Variants in FMNL2 observed in about 807,000 individuals in gnomAD.
The protein encoded by FMNL2 is formin-like protein 2.
In FMNL2, 51 loss-of-function variants were observed where a neutral mutation model predicts 130.2. The observed-to-expected ratio is 0.39, with a 90% CI of 0.31 to 0.49. The LOEUF is 0.49. FMNL2 is among the 20% of genes least tolerant of loss of function. FMNL2 has a pLI of 0.85. For missense variants in FMNL2, 977 were observed against 1,316.2 expected, an observed-to-expected ratio of 0.74 and a Z score of 3.99; for synonymous variants, 465 against 467.1, an observed-to-expected ratio of 1.00 and a Z score of 0.06.
At chr2:152,587,288 G>A (rs558993890) in intron 9 of FMNL2, among the ~76,000 whole-genome samples, 4 of 152,270 alleles carry the variant, frequency 2.6e-5, no homozygotes, top group Admixed American at 2.6e-4. Flanking sequence ...GGATGCAAGG[G>A]GAAGGCAATG....
intron 9 of FMNL2, among the ~76,000 whole-genome samples, chr2:152,593,353 CTA>C (rs143298718): frequency 0.018 from 2,755 of 151,634 alleles, 89 homozygotes; most frequent in African/African-American, 0.06. Context: ...TTAGAAAATG[CTA>C]TATATATATA....
In FMNL2 at chr2:152,335,555, G is replaced by A. The variant is rs760591546; in HGVS notation, c.-49G>A. ...GCCGGGAGCTGTTCTGATTTCCGAC[G>A]CGCACGCTAGGGGCCCGGAGCAGCC... On this transcript the variant is annotated 5_prime_UTR_variant, in exon 1 of 26. Coordinates refer to ENST00000288670, the MANE Select transcript of FMNL2 (RefSeq NM_052905.4). 1 of 1,496,268 alleles carries A rather than the reference G, an allele frequency of 6.7e-7. No homozygotes were observed. Among genetic ancestry groups the A allele is most frequent in the Non-Finnish European group, 9.1e-7 (1 of 1,102,004 alleles). 92.7% of individuals were successfully genotyped at this position (1,496,268 alleles called of 1,614,324 possible). A position where few individuals can be genotyped will look rare whatever the true frequency, so the allele number is the denominator to read the frequency against.
chr2:152,372,389 C>T (rs1185332363), intron 1 of FMNL2, among the ~76,000 whole-genome samples: 2 of 152,218 alleles, frequency 1.3e-5, no homozygotes, highest in African/African-American at 4.8e-5. Flanking sequence ...CAGATAGCTA[C>T]ATAAATTGCA....
chr2:152,430,325 A>G (rs968676986), intron 1 of FMNL2, among the ~76,000 whole-genome samples: 3 of 152,184 alleles, frequency 2.0e-5, no homozygotes, highest in South Asian at 2.1e-4. Context: ...TGGGTTGCCA[A>G]CGTGCCCTTG....
rs1559033630 is a variant in FMNL2, at chr2:152,640,826, G to A, written c.3081G>A (p.Glu1027=). Residue 1027 remains glutamate (E), a synonymous_variant, in exon 25 of 26, where the codon GAG becomes GAA. Coordinates refer to ENST00000288670, the MANE Select transcript of FMNL2 (RefSeq NM_052905.4). The part of the protein sequence containing the change: ...PSHKSKRQQQ[E]LIAELRRRQV... ...ATAAATCAAAGAGGCAGCAGCAAGAGTTAATTGCAGAATTAAGAAGACGAC... is the reference window on the plus strand; with the variant it reads ...ATAAATCAAAGAGGCAGCAGCAAGAATTAATTGCAGAATTAAGAAGACGAC... The A allele has an allele frequency of 1.2e-6, 2 of 1,613,760 alleles. No individual in the cohort carries two copies. The highest frequency in any genetic ancestry group is 1.7e-6 in the Non-Finnish European group (2 of 1,179,798).
chr2:152,362,441 A>T (rs1367339064), intron 1 of FMNL2, among the ~76,000 whole-genome samples: 1 of 152,214 alleles, frequency 6.6e-6, no homozygotes, highest in Non-Finnish European at 1.5e-5. Flanking sequence ...AACAGAGGTA[A>T]AATGGAGTAA....
intron 1 of FMNL2, among the ~76,000 whole-genome samples, chr2:152,514,710 A>G (rs1359714252): frequency 2.0e-5 from 3 of 152,202 alleles, no homozygotes; most frequent in Admixed American, 6.6e-5. Flanking sequence ...ATCATAAAAT[A>G]GAACTATTGT....
chr2:152,513,914 C>A (rs1274198000), intron 1 of FMNL2, among the ~76,000 whole-genome samples: 2 of 152,100 alleles, frequency 1.3e-5, no homozygotes, highest in African/African-American at 4.8e-5. Context: ...CTGCCTGAGA[C>A]CTGTGCCAGG....
chr2:152,484,488 AT>A (rs1690705847), intron 1 of FMNL2, among the ~76,000 whole-genome samples: 1 of 151,916 alleles, frequency 6.6e-6, no homozygotes, highest in African/African-American at 2.4e-5. Flanking sequence ...AAAAAAAAAA[AT>A]AGCTGGAAGT....
intron 10 of FMNL2, among the ~76,000 whole-genome samples, chr2:152,609,968 G>A (rs1236898500): frequency 6.6e-6 from 1 of 152,200 alleles, no homozygotes; most frequent in Non-Finnish European, 1.5e-5. Flanking sequence ...TAGATCTGTT[G>A]AATGCTGTCC....
At chr2:152,587,309 TTGATGATTG>T (rs1697139422) in intron 9 of FMNL2, among the ~76,000 whole-genome samples, 1 of 152,128 alleles carries the variant, frequency 6.6e-6, no homozygotes, top group Admixed American at 6.5e-5. Context: ...GCTTCTCTTC[TTGATGATTG>T]GCCGTCGGGT....
intron 1 of FMNL2, among the ~76,000 whole-genome samples, chr2:152,476,523 A>G (rs1690160547): frequency 2.0e-5 from 3 of 152,074 alleles, no homozygotes; most frequent in Non-Finnish European, 4.4e-5. Context: ...AAATGAAAAA[A>G]TTAGTCGGGC....
intron 1 of FMNL2, among the ~76,000 whole-genome samples, chr2:152,500,376 T>C (rs1351301979): frequency 6.6e-6 from 1 of 152,182 alleles, no homozygotes; most frequent in Non-Finnish European, 1.5e-5. Flanking sequence ...GTGTTCTATC[T>C]CCTCCTCCTC....
intron 21 of FMNL2, among the ~76,000 whole-genome samples, chr2:152,633,607 C>T (rs1416089400): frequency 6.6e-6 from 1 of 152,104 alleles, no homozygotes; most frequent in Admixed American, 6.5e-5. Flanking sequence ...AACTATATGA[C>T]GCAGGCTGGA....
intron 1 of FMNL2, among the ~76,000 whole-genome samples, chr2:152,471,128 A>G (rs1689836227): frequency 6.6e-6 from 1 of 151,580 alleles, no homozygotes; most frequent in Admixed American, 6.6e-5. Flanking sequence ...TGGAAGATCT[A>G]ATTTTCAAAG....
intron 1 of FMNL2, among the ~76,000 whole-genome samples, chr2:152,458,929 C>T (rs1689094425): frequency 6.6e-6 from 1 of 152,084 alleles, no homozygotes; most frequent in Non-Finnish European, 1.5e-5. Context: ...TTAAGGGCAC[C>T]AAACTGTGCA....
chr2:152,536,941 A>G (rs1401478446), intron 2 of FMNL2, among the ~76,000 whole-genome samples: 1 of 152,182 alleles, frequency 6.6e-6, no homozygotes, highest in African/African-American at 2.4e-5. Flanking sequence ...TTTCTCATGT[A>G]ATTGGATAGA....
intron 1 of FMNL2, among the ~76,000 whole-genome samples, chr2:152,379,845 T>C (rs1684366696): frequency 6.6e-6 from 1 of 152,206 alleles, no homozygotes; most frequent in African/African-American, 2.4e-5. Context: ...GCTACCAGTT[T>C]CTATGAGACT....
chr2:152,471,486 G>A (rs893136899), intron 1 of FMNL2, among the ~76,000 whole-genome samples: 1 of 152,076 alleles, frequency 6.6e-6, no homozygotes, highest in Admixed American at 6.6e-5. Context: ...TTGACTGCAG[G>A]GTGCCTTAAA....
Sources: allele counts gnomAD v4.1 joint callset (sites outside exome capture counted in the v4.1 genomes callset), GRCh38; gene constraint gnomAD v4.1.1; transcripts MANE v1.5; gene names NCBI Gene and HGNC (gene_info 2026-07-23, HGNC 2026-07-21).